The following IPPK variants were observed in gnomAD, a reference collection of about 807,000 sequenced individuals.
IPPK encodes the protein inositol-pentakisphosphate 2-kinase.
A neutral mutation model predicts 64.6 loss-of-function variants in IPPK; 22 were observed. That is an observed-to-expected ratio of 0.34 (90% CI 0.24 to 0.49). The LOEUF is 0.49. Among genes scored for constraint, IPPK ranks in the 20% least tolerant of loss-of-function variants. IPPK has a pLI of 0.99. For synonymous variants in IPPK, 262 were observed against 247.2 expected (o/e 1.06, Z -0.56); for missense variants, 532 against 630.7 (o/e 0.84, Z 1.68).
intron 8 of IPPK, among the ~76,000 whole-genome samples, chr9:92,640,392 C>T (rs1389038514): frequency 1.3e-5 from 2 of 148,722 alleles, no homozygotes; most frequent in Non-Finnish European, 3.0e-5. Flanking sequence ...ACCCACAGTT[C>T]ACCCATCTGC....
At chr9:92,640,648 A>G in intron 8 of IPPK, 62 bp downstream of exon 8, 1 of 1,070,204 alleles carries the variant, frequency 9.3e-7, no homozygotes. Flanking sequence ...CTCATCTGTG[A>G]GGTCACTTGA....
chr9:92,653,276 G>C (rs1450908488), intron 3 of IPPK, among the ~76,000 whole-genome samples: 1 of 152,024 alleles, frequency 6.6e-6, no homozygotes, highest in Non-Finnish European at 1.5e-5. Flanking sequence ...TGGCAGAATT[G>C]TGACTTCTGA....
At chr9:92,624,779 G>A (rs1851705028) in intron 11 of IPPK, among the ~76,000 whole-genome samples, 1 of 152,168 alleles carries the variant, frequency 6.6e-6, no homozygotes, top group Non-Finnish European at 1.5e-5. Flanking sequence ...AGGATGCTGA[G>A]AAAGGACTTA....
intron 11 of IPPK, among the ~76,000 whole-genome samples, chr9:92,633,758 T>G (rs1179597483): frequency 6.6e-6 from 1 of 152,278 alleles, no homozygotes; most frequent in African/African-American, 2.4e-5. Context: ...TGTTTTTTTA[T>G]TCTCTTAGTG....
At chr9:92,644,180 TA>T (rs888258271) in intron 6 of IPPK, among the ~76,000 whole-genome samples, 18 of 151,360 alleles carry the variant, frequency 1.2e-4, no homozygotes, top group Non-Finnish European at 1.8e-4. Context: ...GAAAACTGGT[TA>T]AAAAAAAATG....
intron 1 of IPPK, among the ~76,000 whole-genome samples, chr9:92,669,612 G>C (rs911901150): frequency 1.3e-5 from 2 of 152,192 alleles, no homozygotes; most frequent in Non-Finnish European, 1.5e-5. Flanking sequence ...CGGGGAGGGG[G>C]ATGTGGAACT....
At chr9:92,644,566 C>G (rs762199357) in intron 6 of IPPK, among the ~76,000 whole-genome samples, 1 of 152,160 alleles carries the variant, frequency 6.6e-6, no homozygotes, top group Non-Finnish European at 1.5e-5. Flanking sequence ...CAGAACTCAC[C>G]CGTGCAGGAG....
intron 8 of IPPK, among the ~76,000 whole-genome samples, chr9:92,639,896 C>A (rs1429725754): frequency 6.6e-6 from 1 of 152,196 alleles, no homozygotes; most frequent in Non-Finnish European, 1.5e-5. Context: ...GAGCAGGCGC[C>A]ATCTGCCCAC....
intron 9 of IPPK, among the ~76,000 whole-genome samples, chr9:92,637,597 G>A (rs1015831500): frequency 5.3e-5 from 8 of 152,216 alleles, no homozygotes; most frequent in East Asian, 1.9e-4. Flanking sequence ...ATTGTGGTAG[G>A]ACCCAGCCCT....
intron 12 of IPPK, chr9:92,618,851 G>C (rs902215153): frequency 2.9e-6 from 1 of 350,400 alleles, no homozygotes; most frequent in East Asian, 7.5e-5. Flanking sequence ...CATGTTAGAA[G>C]AATGTGGAAC....
At chr9:92,656,225 G>T (rs897244524) in intron 3 of IPPK, among the ~76,000 whole-genome samples, 3 of 152,116 alleles carry the variant, frequency 2.0e-5, no homozygotes, top group Non-Finnish European at 2.9e-5. Context: ...GGCAGAGACG[G>T]GCCCTGGAGA....
intron 12 of IPPK, chr9:92,619,038 G>A (rs1851537909): frequency 4.4e-6 from 1 of 228,200 alleles, no homozygotes. Flanking sequence ...AGAAGAGGAA[G>A]CAGAATGAAT....
intron 11 of IPPK, among the ~76,000 whole-genome samples, chr9:92,633,724 A>G (rs960253649): frequency 1.3e-5 from 2 of 152,260 alleles, no homozygotes; most frequent in African/African-American, 2.4e-5. Flanking sequence ...AAGTGTCTGC[A>G]GTTACAGTGT....
At chr9:92,634,556 C>T (rs1851903020) in intron 10 of IPPK, 68 bp from the exon 11 acceptor site, 4 of 1,096,616 alleles carry the variant, frequency 3.6e-6, no homozygotes, top group Non-Finnish European at 2.8e-6. Flanking sequence ...AAACTGCTAA[C>T]AGTCTACAAA....
intron 5 of IPPK, 82 bp downstream of exon 5, chr9:92,649,371 C>T: frequency 6.5e-7 from 1 of 1,542,190 alleles, no homozygotes; most frequent in Non-Finnish European, 8.9e-7. Context: ...GGAACTGGAA[C>T]CCAAGGCACG....
chr9:92,648,336 C>T (rs568344869), intron 5 of IPPK, among the ~76,000 whole-genome samples, 188 bp from the exon 6 acceptor site: 24 of 152,330 alleles, frequency 1.6e-4, no homozygotes, highest in African/African-American at 4.8e-4. Context: ...CAAACATCTC[C>T]GCTAGAGGAC....
At chr9:92,627,429 G>A (rs1007234299) in intron 11 of IPPK, among the ~76,000 whole-genome samples, 1 of 152,106 alleles carries the variant, frequency 6.6e-6, no homozygotes, top group African/African-American at 2.4e-5. Flanking sequence ...ACTATCTTAA[G>A]AATATGGATA....
chr9:92,654,459 T>C (rs1487519869), intron 3 of IPPK, among the ~76,000 whole-genome samples: 1 of 152,070 alleles, frequency 6.6e-6, no homozygotes, highest in Admixed American at 6.5e-5. Context: ...AGGTTGAGGC[T>C]GCAGTGAGCC....
In IPPK at chr9:92,615,979, C is replaced by T; in HGVS notation, c.1329G>A (p.Lys443=). 1 of 1,614,136 alleles carries T rather than the reference C, an allele frequency of 6.2e-7. No homozygotes were observed. The highest frequency in any genetic ancestry group is 1.7e-5 in the Admixed American group (1 of 60,012). The stretch of plus-strand genomic sequence containing the variant: ...ACTGATGGGGAATGCTCTCGTAGGG[C>T]TTGAGGTCAAGGTCCAGCACAGACA... ...FSVSVLDLDL[K]PYESIPHQYK... The change falls in exon 13 of 13, where the codon AAG becomes AAA. Residue 443 remains lysine, a synonymous_variant. Transcript: ENST00000287996.
Sources: allele counts gnomAD v4.1 joint callset (sites outside exome capture counted in the v4.1 genomes callset), GRCh38; gene constraint gnomAD v4.1.1; transcripts MANE v1.5; gene names NCBI Gene and HGNC (gene_info 2026-07-23, HGNC 2026-07-21).